The following GALNT17 variants were observed in gnomAD, a reference collection of about 807,000 sequenced individuals.
The protein encoded by GALNT17 is polypeptide N-acetylgalactosaminyltransferase 17.
Under a neutral mutation model 63.7 loss-of-function variants are expected in GALNT17, and 29 were observed. The observed-to-expected ratio is 0.46, with a 90% CI of 0.34 to 0.62. GALNT17 has a LOEUF of 0.62. Among genes scored for constraint, GALNT17 ranks in the 20% least tolerant of loss-of-function variants. The pLI is 0.01. For synonymous variants in GALNT17, 305 were observed against 318.3 expected, an observed-to-expected ratio of 0.96 and a Z score of 0.45; for missense variants, 603 against 799.6, an observed-to-expected ratio of 0.75 and a Z score of 2.97.
chr7:71,216,546 T>G (rs1206890311), intron 1 of GALNT17, among the ~76,000 whole-genome samples: 1 of 151,858 alleles, frequency 6.6e-6, no homozygotes, highest in Non-Finnish European at 1.5e-5. Flanking sequence ...ATACGTATAT[T>G]ATACATATGT....
At chr7:71,275,934 A>G (rs1037827509) in intron 1 of GALNT17, among the ~76,000 whole-genome samples, 1 of 152,178 alleles carries the variant, frequency 6.6e-6, no homozygotes, top group Non-Finnish European at 1.5e-5. Context: ...GCTCCTCTGC[A>G]CAATCCACAA....
chr7:71,146,941 A>G (rs1259895778), intron 1 of GALNT17, among the ~76,000 whole-genome samples: 2 of 152,142 alleles, frequency 1.3e-5, no homozygotes, highest in Non-Finnish European at 2.9e-5. Flanking sequence ...CCTCGGACAC[A>G]AGGGAGGCTA....
At chr7:71,592,544 A>AATAAAATAAAATAAAATAAAATAGC (rs11267770) in intron 6 of GALNT17, among the ~76,000 whole-genome samples, 37 of 115,366 alleles carry the variant, frequency 3.2e-4, no homozygotes, top group East Asian at 1.0e-3. Flanking sequence ...AATAAAATAA[A>AATAAAATAAAATAAAATAAAATAGC]ATAGCATAGC....
At chr7:71,427,556 C>T (rs1459890042) in intron 5 of GALNT17, among the ~76,000 whole-genome samples, 2 of 152,052 alleles carry the variant, frequency 1.3e-5, no homozygotes, top group Non-Finnish European at 1.5e-5. Flanking sequence ...GCTGGCCTCT[C>T]CTAGGGTACT....
At chr7:71,168,936 T>C (rs558724950) in intron 1 of GALNT17, among the ~76,000 whole-genome samples, 37 of 152,300 alleles carry the variant, frequency 2.4e-4, no homozygotes, top group African/African-American at 7.7e-4. Flanking sequence ...ACATTTTGTT[T>C]AGAATGACTG....
intron 1 of GALNT17, among the ~76,000 whole-genome samples, chr7:71,204,732 CTTTGTTTTT>C (rs1377114843): frequency 6.6e-6 from 1 of 151,610 alleles, no homozygotes; most frequent in Non-Finnish European, 1.5e-5. Context: ...TACCTGCCTA[CTTTGTTTTT>C]TTTGTTTTTG....
intron 1 of GALNT17, among the ~76,000 whole-genome samples, chr7:71,332,664 AGTTTTTGTTT>A (rs1474319412): frequency 2.0e-5 from 3 of 150,372 alleles, no homozygotes; most frequent in Non-Finnish European, 4.4e-5. Flanking sequence ...AACTGGTTTG[AGTTTTTGTTT>A]GTTTTTGTTT....
intron 5 of GALNT17, among the ~76,000 whole-genome samples, chr7:71,540,366 C>A (rs749890388): frequency 2.0e-5 from 3 of 151,800 alleles, no homozygotes; most frequent in Non-Finnish European, 4.4e-5. Flanking sequence ...ATCCACCCAC[C>A]TTCGCCTCCC....
At chr7:71,358,918 C>T (rs1792343634) in intron 2 of GALNT17, among the ~76,000 whole-genome samples, 2 of 152,178 alleles carry the variant, frequency 1.3e-5, no homozygotes, top group Non-Finnish European at 1.5e-5. Flanking sequence ...GAATTACAGG[C>T]GCCCACCACC....
intron 6 of GALNT17, among the ~76,000 whole-genome samples, chr7:71,588,891 TC>T (rs1219829992): frequency 6.6e-6 from 1 of 151,284 alleles, no homozygotes; most frequent in Non-Finnish European, 1.5e-5. Flanking sequence ...TCCTCCACCC[TC>T]CCTCCCCCAA....
At chr7:71,417,307 G>A (rs183934629) in intron 4 of GALNT17, among the ~76,000 whole-genome samples, 4 of 152,236 alleles carry the variant, frequency 2.6e-5, no homozygotes, top group East Asian at 1.9e-4. Flanking sequence ...ATGTGACCAC[G>A]TAAGAAACCC....
At chr7:71,230,820 A>AGAGCACATGAGACAGTG (rs1789774505) in intron 1 of GALNT17, among the ~76,000 whole-genome samples, 1 of 152,134 alleles carries the variant, frequency 6.6e-6, no homozygotes, top group Non-Finnish European at 1.5e-5. Context: ...TTCCAAAGAT[A>AGAGCACATGAGACAGTG]GAGCACATGA....
intron 2 of GALNT17, among the ~76,000 whole-genome samples, chr7:71,335,943 C>T (rs1187674973): frequency 1.3e-5 from 2 of 150,526 alleles, no homozygotes; most frequent in Admixed American, 1.3e-4. Flanking sequence ...GTTCCAGAAA[C>T]ATATAGAAAG....
chr7:71,374,068 A>C (rs985590333), intron 2 of GALNT17, among the ~76,000 whole-genome samples: 1 of 152,208 alleles, frequency 6.6e-6, no homozygotes, highest in Non-Finnish European at 1.5e-5. Flanking sequence ...AGTATTTTTT[A>C]AATTATAAAG....
At chr7:71,292,027 G>A (rs1181866652) in intron 1 of GALNT17, among the ~76,000 whole-genome samples, 4 of 152,084 alleles carry the variant, frequency 2.6e-5, no homozygotes, top group African/African-American at 9.7e-5. Flanking sequence ...TTCTTTCTGG[G>A]AACATGTAAC....
At chr7:71,595,644 T>TAG (rs965245498) in intron 6 of GALNT17, among the ~76,000 whole-genome samples, 4 of 137,720 alleles carry the variant, frequency 2.9e-5, no homozygotes, top group African/African-American at 1.1e-4. Context: ...CTAAGATGCA[T>TAG]AGAGAGAGAG....
intron 2 of GALNT17, among the ~76,000 whole-genome samples, chr7:71,351,132 A>T (rs1008089109): frequency 6.8e-6 from 1 of 146,570 alleles, no homozygotes; most frequent in South Asian, 2.5e-4. Context: ...CAAGAGAGAA[A>T]CTGCATCTCA....
intron 6 of GALNT17, among the ~76,000 whole-genome samples, chr7:71,598,863 G>A (rs973703547): frequency 2.6e-5 from 4 of 151,834 alleles, no homozygotes; most frequent in Admixed American, 6.6e-5. Context: ...GAGAAAGAAC[G>A]GGGGGGATTG....
At chr7:71,650,217 C>T (rs1335961687) in intron 6 of GALNT17, among the ~76,000 whole-genome samples, 1 of 152,180 alleles carries the variant, frequency 6.6e-6, no homozygotes, top group African/African-American at 2.4e-5. Flanking sequence ...ACAAGCTTTG[C>T]TGGGCTTTTG....
Sources: allele counts gnomAD v4.1 joint callset (sites outside exome capture counted in the v4.1 genomes callset), GRCh38; gene constraint gnomAD v4.1.1; transcripts MANE v1.5; gene names NCBI Gene and HGNC (gene_info 2026-07-23, HGNC 2026-07-21).